Variants in PCNX1 observed in about 807,000 individuals in gnomAD.
PCNX1 encodes the protein pecanex-like protein 1.
A neutral mutation model predicts 242.2 loss-of-function variants in PCNX1; 78 were observed. The ratio of observed to expected loss-of-function variants is 0.32; its 90% CI spans 0.27 to 0.39. The LOEUF (loss-of-function observed/expected upper bound fraction) is 0.39. Among genes scored for constraint, PCNX1 ranks in the 10% least tolerant of loss-of-function variants. The pLI, the probability that PCNX1 is intolerant of heterozygous loss-of-function variation, is 1.00. For missense variants in PCNX1, 2,581 were observed against 2,856.5 expected (o/e 0.90, Z 2.20); for synonymous variants, 1,024 against 1,032.9 (o/e 0.99, Z 0.17).
chr14:70,948,266 G>A (rs1489399064), intron 2 of PCNX1, among the ~76,000 whole-genome samples: 1 of 152,074 alleles, frequency 6.6e-6, no homozygotes, highest in Non-Finnish European at 1.5e-5. Context: ...AAAACTTGCT[G>A]GTTTTGTGGC....
rs1014120345 is a variant in PCNX1, at chr14:71,114,718, A to C, written c.*4783A>C. The C allele has an allele frequency of 6.6e-6, 1 of 152,452 alleles. No homozygotes were observed. Among genetic ancestry groups the C allele is most frequent in the Non-Finnish European group, 1.5e-5 (1 of 68,010 alleles). 9.4% of individuals were successfully genotyped at this position (152,452 alleles called of 1,614,324 possible). On this transcript the variant is annotated 3_prime_UTR_variant, in exon 36 of 36. Coordinates refer to ENST00000304743, the MANE Select transcript of PCNX1 (RefSeq NM_014982.3). ...GCCTCAGCTCTGTACCTGACAATTT[A>C]TGATTCAGTGGAGCCAAGCTAGAAG...
chr14:71,031,922 AC>A, intron 16 of PCNX1: 1 of 1,433,876 alleles, frequency 7.0e-7, no homozygotes, highest in African/African-American at 1.4e-5. Flanking sequence ...GCAAACTGGT[AC>A]CACAGGCGGA....
chr14:70,912,018 G>A (rs909391122), intron 1 of PCNX1, among the ~76,000 whole-genome samples: 4 of 152,088 alleles, frequency 2.6e-5, no homozygotes, highest in African/African-American at 7.2e-5. Flanking sequence ...AGATCATCAC[G>A]AGGTCAGGAG....
At chr14:71,053,165 TATTA>T (rs1232798697) in intron 24 of PCNX1, 2 of 412,856 alleles carry the variant, frequency 4.8e-6, no homozygotes, top group African/African-American at 4.3e-5. Flanking sequence ...ATTTTGGTGT[TATTA>T]ATTATTATTC....
chr14:70,935,055 C>T (rs922394747), intron 1 of PCNX1, among the ~76,000 whole-genome samples: 2 of 152,150 alleles, frequency 1.3e-5, no homozygotes, highest in Non-Finnish European at 2.9e-5. Flanking sequence ...CACAGCTGTC[C>T]TTTGTCACCC....
At chr14:70,986,496 G>A (rs1406725297) in intron 6 of PCNX1, among the ~76,000 whole-genome samples, 1 of 152,124 alleles carries the variant, frequency 6.6e-6, no homozygotes, top group South Asian at 2.1e-4. Context: ...ACTAAAAGTG[G>A]ACACTGTAGT....
At chr14:70,963,169 G>A (rs932919822) in intron 3 of PCNX1, among the ~76,000 whole-genome samples, 1 of 152,118 alleles carries the variant, frequency 6.6e-6, no homozygotes, top group African/African-American at 2.4e-5. Flanking sequence ...CCTGCTTTCT[G>A]TTCTAGAGAC....
At chr14:70,921,893 C>A (rs965694101) in intron 1 of PCNX1, among the ~76,000 whole-genome samples, 3 of 152,072 alleles carry the variant, frequency 2.0e-5, no homozygotes, top group Non-Finnish European at 4.4e-5. Flanking sequence ...ATGCTTCAGG[C>A]AATATTTTTA....
At chr14:71,005,888 A>G (rs2059642743) in intron 8 of PCNX1, among the ~76,000 whole-genome samples, 1 of 152,066 alleles carries the variant, frequency 6.6e-6, no homozygotes, top group Non-Finnish European at 1.5e-5. Context: ...TTGAGTATTC[A>G]ATAAGACTGC....
intron 26 of PCNX1, among the ~76,000 whole-genome samples, chr14:71,062,237 A>G (rs1156705350): frequency 1.3e-5 from 2 of 152,068 alleles, no homozygotes; most frequent in Admixed American, 6.6e-5. Flanking sequence ...GTCATAGGAG[A>G]TGGCAGCTCC....
intron 7 of PCNX1, among the ~76,000 whole-genome samples, chr14:70,994,878 T>TA (rs1489851363): frequency 6.6e-6 from 1 of 152,070 alleles, no homozygotes; most frequent in East Asian, 1.9e-4. Flanking sequence ...AATAAATAAT[T>TA]TTAATCTCAA....
rs547662632 is a variant in PCNX1 at position 71,114,098 on chromosome 14, T to G, written c.*4163T>G. 1 of 152,322 alleles carries G rather than the reference T, an allele frequency of 6.6e-6. No homozygotes were observed. The highest frequency in any genetic ancestry group is 1.9e-4 in the East Asian group (1 of 5,192). 9.4% of individuals were successfully genotyped at this position (152,322 alleles called of 1,614,324 possible). A position where few individuals can be genotyped will look rare whatever the true frequency, so the allele number is the denominator to read the frequency against. On this transcript the variant is annotated 3_prime_UTR_variant, in exon 36 of 36. Coordinates refer to ENST00000304743, the MANE Select transcript of PCNX1 (RefSeq NM_014982.3). ...TAATGTGGTACATGGAACTTGCTAA[T>G]GGAGGTTGGACATTCTGTTTCAGTC...
At chr14:71,027,678 A>G (rs943275240) in intron 15 of PCNX1, among the ~76,000 whole-genome samples, 5 of 151,958 alleles carry the variant, frequency 3.3e-5, no homozygotes, top group Non-Finnish European at 7.4e-5. Context: ...TCTGCTGATA[A>G]AATGTCAATA....
In PCNX1 at chr14:71,043,551, T is replaced by C. The variant is rs10144763; in HGVS notation, c.3868-1582T>C. On this transcript the variant is annotated intron_variant, in intron 19 of 35. Transcript: ENST00000304743. Reference sequence around the variant, plus strand: ...CCTGGGGTTGGTTGGTTGGTTTGTTTTTTTAAGATCCATCTTAAAGTTGAG... The same window carrying C: ...CCTGGGGTTGGTTGGTTGGTTTGTTCTTTTAAGATCCATCTTAAAGTTGAG... Among the ~76,000 whole-genome samples the C allele has an allele frequency of 7.4e-3, 1,128 of 151,908 alleles. 7 individuals carry two copies. The highest frequency in any genetic ancestry group is 0.026 in the African/African-American group (1,061 of 41,440).
chr14:70,921,403 C>T (rs2056368655), intron 1 of PCNX1, among the ~76,000 whole-genome samples: 1 of 152,110 alleles, frequency 6.6e-6, no homozygotes, highest in African/African-American at 2.4e-5. Context: ...ATCTGAGTCT[C>T]CTGAGTAGCT....
chr14:71,083,493 A>T (rs1168656721), intron 28 of PCNX1, among the ~76,000 whole-genome samples: 2 of 152,104 alleles, frequency 1.3e-5, no homozygotes, highest in Non-Finnish European at 2.9e-5. Context: ...CACCAATCAA[A>T]TGTAGGTTTG....
intron 34 of PCNX1, 90 bp from the exon 35 acceptor site, chr14:71,109,362 C>A: frequency 1.7e-6 from 2 of 1,151,062 alleles, no homozygotes; most frequent in Non-Finnish European, 2.5e-6. Flanking sequence ...AAAAGTAATT[C>A]CTCTCTGTGA....
At chr14:70,994,179 A>G (rs77051456) in intron 7 of PCNX1, among the ~76,000 whole-genome samples, 13,899 of 151,826 alleles carry the variant, frequency 0.092, 747 homozygotes, top group Admixed American at 0.17. Flanking sequence ...GAAATATTCT[A>G]TAATCTGCCC....
At chr14:71,051,475 T>C (rs1236171926) in intron 23 of PCNX1, among the ~76,000 whole-genome samples, 1 of 152,202 alleles carries the variant, frequency 6.6e-6, no homozygotes, top group Non-Finnish European at 1.5e-5. Context: ...TAAAAAATTT[T>C]CTACTCCCAC....
Sources: allele counts gnomAD v4.1 joint callset (sites outside exome capture counted in the v4.1 genomes callset), GRCh38; gene constraint gnomAD v4.1.1; transcripts MANE v1.5; gene names NCBI Gene and HGNC (gene_info 2026-07-23, HGNC 2026-07-21).